Variants in MYBL1 observed in about 807,000 individuals in gnomAD.
MYBL1 encodes the protein myb-related protein A.
A neutral mutation model predicts 96.3 loss-of-function variants in MYBL1; 17 were observed. The observed-to-expected ratio is 0.18, with a 90% CI of 0.12 to 0.26. The LOEUF (loss-of-function observed/expected upper bound fraction) is 0.26. MYBL1 is among the 10% of genes least tolerant of loss of function. MYBL1 has a pLI of 1.00. For synonymous variants in MYBL1, 282 were observed against 292.7 expected (o/e 0.96, Z 0.37); for missense variants, 701 against 882.9 (o/e 0.79, Z 2.61).
intron 2 of MYBL1, among the ~76,000 whole-genome samples, 194 bp from the exon 3 acceptor site, chr8:66,601,963 C>T (rs2130011420): frequency 6.6e-6 from 1 of 152,254 alleles, no homozygotes; most frequent in African/African-American, 2.4e-5. Flanking sequence ...ATTCATGTCT[C>T]TGGTTGAAGA....
chr8:66,569,048 A>G (rs1351606388), intron 12 of MYBL1, among the ~76,000 whole-genome samples: 3 of 152,154 alleles, frequency 2.0e-5, no homozygotes, highest in African/African-American at 7.2e-5. Flanking sequence ...AGATTATTTC[A>G]TCACCCAAGT....
chr8:66,565,930 A>T, intron 15 of MYBL1, 134 bp downstream of exon 15: 1 of 644,222 alleles, frequency 1.6e-6, no homozygotes. Context: ...GTGATAAAAT[A>T]ATGGTAAATG....
At chr8:66,602,585 T>G in intron 1 of MYBL1, 62 bp from the exon 2 acceptor site, 1 of 1,107,466 alleles carries the variant, frequency 9.0e-7, no homozygotes. Context: ...ATTCAAACAC[T>G]GAACTTGTGT....
intron 8 of MYBL1, among the ~76,000 whole-genome samples, chr8:66,584,179 T>C (rs1028490135): frequency 4.9e-4 from 74 of 151,982 alleles, no homozygotes; most frequent in African/African-American, 1.8e-3. Flanking sequence ...AAAATCAACA[T>C]CCCTTCACGA....
chr8:66,607,745 G>A (rs1810378515), intron 1 of MYBL1, among the ~76,000 whole-genome samples: 1 of 148,280 alleles, frequency 6.7e-6, no homozygotes, highest in South Asian at 2.1e-4. Context: ...TTAAGAAGCA[G>A]AACCTGCTGA....
At chr8:66,573,634 T>C in intron 10 of MYBL1, 128 bp from the exon 11 acceptor site, 2 of 786,244 alleles carry the variant, frequency 2.5e-6, no homozygotes, top group Non-Finnish European at 3.6e-6. Context: ...AATATTACAC[T>C]TATACTCCAT....
intron 1 of MYBL1, chr8:66,612,062 T>C (rs1810551648): frequency 6.6e-6 from 1 of 152,208 alleles, no homozygotes; most frequent in African/African-American, 2.4e-5. Flanking sequence ...CCTAGCACAT[T>C]TTCCAGGCAA....
At chr8:66,594,051 A>G (rs1809757340) in intron 6 of MYBL1, among the ~76,000 whole-genome samples, 1 of 152,020 alleles carries the variant, frequency 6.6e-6, no homozygotes, top group South Asian at 2.1e-4. Context: ...CAGGAGGATC[A>G]CATGAGCCCA....
chr8:66,597,307 T>C, intron 5 of MYBL1, 23 bp downstream of exon 5: 1 of 1,477,464 alleles, frequency 6.8e-7, no homozygotes. Flanking sequence ...TACAGAAAAA[T>C]ATATATACAT....
intron 8 of MYBL1, among the ~76,000 whole-genome samples, chr8:66,587,880 G>A (rs1311266334): frequency 6.6e-6 from 1 of 152,158 alleles, no homozygotes; most frequent in Admixed American, 6.6e-5. Flanking sequence ...AAGTCTATAG[G>A]AAGCACTGAA....
chr8:66,598,908 A>T, intron 4 of MYBL1, 142 bp downstream of exon 4: 1 of 435,348 alleles, frequency 2.3e-6, no homozygotes. Flanking sequence ...CCAGACACTT[A>T]ACATTCAATT....
intron 1 of MYBL1, among the ~76,000 whole-genome samples, chr8:66,606,246 C>T (rs1448084521): frequency 6.6e-6 from 1 of 152,154 alleles, no homozygotes; most frequent in African/African-American, 2.4e-5. Context: ...ATAATACCAC[C>T]TACCTTATAG....
chr8:66,567,816 C>G (rs1808565392), intron 12 of MYBL1, among the ~76,000 whole-genome samples: 1 of 152,008 alleles, frequency 6.6e-6, no homozygotes, highest in African/African-American at 2.4e-5. Flanking sequence ...CCTGTAATCC[C>G]ACTTTGGGAG....
intron 8 of MYBL1, among the ~76,000 whole-genome samples, chr8:66,590,067 C>A (rs1361285096): frequency 6.6e-6 from 1 of 151,924 alleles, no homozygotes; most frequent in African/African-American, 2.4e-5. Flanking sequence ...GACCAAGACC[C>A]TGACTCAAAA....
rs187432937 is a variant in MYBL1 at position 66,604,587 on chromosome 8, T to C, written c.21-2064A>G. On this transcript the variant is annotated intron_variant, in intron 1 of 15. Transcript: ENST00000522677. The stretch of plus-strand genomic sequence containing the variant: ...GAAGCAATTATTTACATTTTTTACA[T>C]GAAACCATAATAGTACTATAAGAAA... Among the ~76,000 whole-genome samples, 485 of 151,762 alleles carry C rather than the reference T, an allele frequency of 3.2e-3. 5 individuals carry two copies. Among genetic ancestry groups the C allele is most frequent in the Non-Finnish European group, 6.6e-4 (45 of 67,916 alleles).
chr8:66,600,070 TAAAAAG>T (rs903072846), intron 3 of MYBL1, among the ~76,000 whole-genome samples: 1 of 152,126 alleles, frequency 6.6e-6, no homozygotes, highest in Non-Finnish European at 1.5e-5. Context: ...TGTTGACACT[TAAAAAG>T]AAAATGAATT....
Position 66,567,503 on chromosome 8 carries a change from T to C in MYBL1, c.1729-511A>G, listed in dbSNP as rs547422130. On this transcript the variant is annotated intron_variant, in intron 12 of 15. Coordinates refer to ENST00000522677, the MANE Select transcript of MYBL1 (RefSeq NM_001080416.4). ...TAGCCTAAGCAAAGAGCTGACACAG[T>C]ATCCAAGAAGACAGAGAGAGTGAGT... Among the ~76,000 whole-genome samples the C allele has an allele frequency of 7.3e-5, 11 of 151,416 alleles. No individual in the cohort carries two copies. The South Asian group carries it at 2.3e-3, about 32-fold the overall frequency.
At chr8:66,599,918 G>C (rs1810002359) in intron 3 of MYBL1, among the ~76,000 whole-genome samples, 1 of 152,120 alleles carries the variant, frequency 6.6e-6, no homozygotes, top group African/African-American at 2.4e-5. Context: ...TACTGCATAG[G>C]ATCAAAAGGA....
chr8:66,612,933 C>T lies in MYBL1; in HGVS notation c.-95G>A. 1 of 1,267,288 alleles carries T rather than the reference C, an allele frequency of 7.9e-7. No individual in the cohort carries two copies. The highest frequency in any genetic ancestry group is 1.0e-6 in the Non-Finnish European group (1 of 977,986). 78.5% of individuals were successfully genotyped at this position (1,267,288 alleles called of 1,614,324 possible). A position where few individuals can be genotyped will look rare whatever the true frequency, so the allele number is the denominator to read the frequency against. ...CTCCTTCTCCCCGATCCTCTAGCCG[C>T]TTCCCTCGCTCCCTCTGGAGGCGGC... On this transcript the variant is annotated 5_prime_UTR_variant, in exon 1 of 16. Transcript: ENST00000522677.
Sources: gnomAD v4.1 joint callset for allele counts (sites outside exome capture counted in the v4.1 genomes callset) on GRCh38, gnomAD v4.1.1 for gene constraint, MANE v1.5 for transcripts, NCBI Gene and HGNC (gene_info 2026-07-23, HGNC 2026-07-21) for gene names.